DNAI7: variants seen among roughly 807,000 people sequenced by gnomAD.
The protein encoded by DNAI7 is cancer susceptibility 1.
DNAI7 carries 78 observed loss-of-function variants against 86.6 expected under a neutral mutation model. The ratio of observed to expected loss-of-function variants is 0.90; its 90% CI spans 0.75 to 1.09. The LOEUF is 1.09. Among genes scored for constraint, DNAI7 ranks in the 50% least tolerant of loss-of-function variants. The pLI is 0.00. For synonymous variants in DNAI7, 274 were observed against 273.0 expected (o/e 1.00, Z -0.04); for missense variants, 753 against 810.2 (o/e 0.93, Z 0.86).
chr12:25,137,515 C>A (rs546996329), intron 9 of DNAI7, among the ~76,000 whole-genome samples: 31 of 152,144 alleles, frequency 2.0e-4, no homozygotes, highest in Non-Finnish European at 1.5e-4. Context: ...CAACAACTAG[C>A]ACAATGAATA....
Position 25,114,710 on chromosome 12 carries a change from A to AT in DNAI7, c.1556dup (p.Asn519LysfsTer2). 1 of 1,613,832 alleles carries AT rather than the reference A, an allele frequency of 6.2e-7. No homozygotes were observed. The highest frequency in any genetic ancestry group is 2.2e-5 in the East Asian group (1 of 44,860). ...CTGTAGTCACAGTTAAAAGTACTTT[A>AT]TTTACATCAAGTGGTCTTAGTTCCC... On this transcript the variant is annotated frameshift_variant, in exon 13 of 16. Transcript: ENST00000395987. LOFTEE classifies it high-confidence loss of function.
At chr12:25,130,379 T>C (rs1006951240) in intron 9 of DNAI7, among the ~76,000 whole-genome samples, 11 of 150,592 alleles carry the variant, frequency 7.3e-5, no homozygotes, top group African/African-American at 2.7e-4. Flanking sequence ...GTACTAAAAA[T>C]ACAAAAAATT....
chr12:25,174,072 A>G (rs923895809), intron 2 of DNAI7, among the ~76,000 whole-genome samples: 4 of 148,280 alleles, frequency 2.7e-5, no homozygotes, highest in African/African-American at 9.8e-5. Context: ...TATATTGGCC[A>G]TTTGTATATC....
At chr12:25,132,121 T>C (rs1325577190) in intron 9 of DNAI7, among the ~76,000 whole-genome samples, 3 of 152,072 alleles carry the variant, frequency 2.0e-5, no homozygotes, top group African/African-American at 4.8e-5. Flanking sequence ...ATCATGAACG[T>C]TCCCCCTTTA....
intron 2 of DNAI7, among the ~76,000 whole-genome samples, chr12:25,170,990 A>G (rs1407600773): frequency 6.6e-6 from 1 of 152,176 alleles, no homozygotes; most frequent in East Asian, 1.9e-4. Flanking sequence ...GCTAACGGGA[A>G]AGTTCATAGC....
At chr12:25,146,918 G>T in intron 8 of DNAI7, 83 bp downstream of exon 8, 1 of 753,036 alleles carries the variant, frequency 1.3e-6, no homozygotes, top group Non-Finnish European at 2.3e-6. Flanking sequence ...ATGCTGCTAT[G>T]CAATAGGCAT....
rs867542880 is a variant in DNAI7, at chr12:25,174,646, A to G, written c.22-13449T>C. Among the ~76,000 whole-genome samples the G allele has an allele frequency of 9.1e-4, 88 of 96,620 alleles. 16 individuals are homozygous for G. The highest frequency in any genetic ancestry group is 2.8e-3 in the African/African-American group (69 of 24,252). The allele number at this position is 96,620 out of a possible 152,430, so 63.4% of individuals were successfully genotyped here. A position where few individuals can be genotyped will look rare whatever the true frequency, so the allele number is the denominator to read the frequency against. On this transcript the variant is annotated intron_variant, in intron 2 of 15. Coordinates refer to ENST00000395987, the MANE Select transcript of DNAI7 (RefSeq NM_018272.5). ...TATGGGATATATATCATATATATGGAATATAGATATCATATATATGGAATA... is the reference window on the plus strand; with the variant it reads ...TATGGGATATATATCATATATATGGGATATAGATATCATATATATGGAATA...
chr12:25,144,844 C>T (rs1944628620), intron 8 of DNAI7, among the ~76,000 whole-genome samples, 167 bp from the exon 9 acceptor site: 1 of 152,108 alleles, frequency 6.6e-6, no homozygotes, highest in Non-Finnish European at 1.5e-5. Context: ...CTGATGCTAT[C>T]CTTCTCAAAA....
intron 2 of DNAI7, among the ~76,000 whole-genome samples, chr12:25,167,924 C>A (rs1386164228): frequency 6.6e-6 from 1 of 152,192 alleles, no homozygotes; most frequent in Non-Finnish European, 1.5e-5. Context: ...CCCTGGGTAA[C>A]CTTTCACCTT....
chr12:25,129,761 A>ATT (rs1165494687), intron 9 of DNAI7, among the ~76,000 whole-genome samples: 4 of 71,816 alleles, frequency 5.6e-5, no homozygotes, highest in Admixed American at 1.9e-4. Context: ...TTTTTATTTT[A>ATT]TTTTTATTTT....
intron 2 of DNAI7, among the ~76,000 whole-genome samples, chr12:25,170,547 C>T (rs1230551127): frequency 6.6e-6 from 1 of 152,104 alleles, no homozygotes; most frequent in Non-Finnish European, 1.5e-5. Context: ...TTCAATACTC[C>T]ATTGACAGCA....
chr12:25,170,057 T>C (rs1047496591), intron 2 of DNAI7, among the ~76,000 whole-genome samples: 4 of 151,536 alleles, frequency 2.6e-5, no homozygotes, highest in African/African-American at 9.7e-5. Flanking sequence ...AAAGCAACAG[T>C]GGTTAAAAGA....
chr12:25,150,975 A>C (rs1945472097), intron 6 of DNAI7, among the ~76,000 whole-genome samples: 1 of 152,248 alleles, frequency 6.6e-6, no homozygotes, highest in South Asian at 2.1e-4. Context: ...TCTATGAGGT[A>C]GATATTGTTA....
At chr12:25,110,427 C>A (rs1459242982) in intron 14 of DNAI7, among the ~76,000 whole-genome samples, 187 bp from the exon 15 acceptor site, 1 of 152,206 alleles carries the variant, frequency 6.6e-6, no homozygotes. Context: ...CCATAGTTAA[C>A]AAACGACTTG....
intron 9 of DNAI7, among the ~76,000 whole-genome samples, chr12:25,133,154 ATT>A (rs74643470): frequency 4.9e-5 from 7 of 143,902 alleles, no homozygotes; most frequent in Admixed American, 6.9e-5. Flanking sequence ...TAAAACTGTG[ATT>A]TTTTTTTTTT....
At chr12:25,111,489 A>G (rs552733199) in intron 14 of DNAI7, among the ~76,000 whole-genome samples, 1 of 152,310 alleles carries the variant, frequency 6.6e-6, no homozygotes, top group East Asian at 1.9e-4. Flanking sequence ...CCAGTAATGC[A>G]AAAAGAAAGT....
chr12:25,184,966 T>TAAAAAA (rs35375688), intron 2 of DNAI7, among the ~76,000 whole-genome samples: 1 of 106,514 alleles, frequency 9.4e-6, no homozygotes, highest in Non-Finnish European at 2.0e-5. Flanking sequence ...CCCATCTCTA[T>TAAAAAA]AAAAAAAAAA....
At chr12:25,142,600 G>A (rs914327579) in intron 9 of DNAI7, among the ~76,000 whole-genome samples, 4 of 152,126 alleles carry the variant, frequency 2.6e-5, no homozygotes, top group Admixed American at 1.3e-4. Context: ...CTTTAGCCAT[G>A]TAAATGCAAG....
chr12:25,107,083 T>C (rs2140286031), downstream of DNAI7: 4 of 1,251,816 alleles, frequency 3.2e-6, no homozygotes, highest in Non-Finnish European at 4.6e-6. Context: ...TCTACCATTT[T>C]AGTGGAATGG....
Sources: gnomAD v4.1 joint callset for allele counts (sites outside exome capture counted in the v4.1 genomes callset) on GRCh38, gnomAD v4.1.1 for gene constraint, MANE v1.5 for transcripts, NCBI Gene and HGNC (gene_info 2026-07-23, HGNC 2026-07-21) for gene names.